VWA3B: variants seen among roughly 807,000 people sequenced by gnomAD.
VWA3B encodes the protein von Willebrand factor A domain-containing protein 3B.
Under a neutral mutation model 158.3 loss-of-function variants are expected in VWA3B, and 138 were observed. The observed-to-expected ratio is 0.87, with a 90% CI of 0.76 to 1.00. The LOEUF (loss-of-function observed/expected upper bound fraction) is 1.00. Ranked by LOEUF, VWA3B falls within the 50% of genes least tolerant of loss-of-function variation. The probability of loss-of-function intolerance (pLI) is 0.00; values close to 1 mark genes in which losing one functional copy is unlikely to be tolerated. For missense variants in VWA3B, 1,555 were observed against 1,565.1 expected (o/e 0.99, Z 0.11); for synonymous variants, 596 against 587.3 (o/e 1.01, Z -0.21).
intron 10 of VWA3B, chr2:98,192,392 AAGGGGGTTGTTCTCTGGCGGGC>A (rs1195467839): frequency 6.2e-6 from 1 of 161,110 alleles, no homozygotes; most frequent in Non-Finnish European, 1.4e-5. Context: ...ATTACAGTCA[AAGGGGGTTGTTCTCTGGCGGGC>A]AGAGTGGGGG....
chr2:98,110,238 G>C (rs558202142), intron 2 of VWA3B, among the ~76,000 whole-genome samples: 4 of 151,032 alleles, frequency 2.6e-5, no homozygotes, highest in Admixed American at 6.6e-5. Context: ...GTCTAGATTG[G>C]GTAATTTTTA....
In VWA3B at chr2:98,312,010, A is replaced by G; in HGVS notation, c.3713A>G (p.Gln1238Arg). ...GGCATCAGCTCCCATGGGTCCTGCCAGGGGACACACCCCGAGCCCAGGGTT... is the reference window on the plus strand; with the variant it reads ...GGCATCAGCTCCCATGGGTCCTGCCGGGGGACACACCCCGAGCCCAGGGTT... ...SHGISSHGSC[Q>R]GTHPEPRTAH... is the part of the protein sequence containing the mutation. Residue 1238 changes from glutamine (Q) to arginine (R), a missense_variant, in exon 27 of 28, where the codon CAG (glutamine) becomes CGG (arginine). Transcript: ENST00000477737. 6.2e-7 allele frequency: 1 copy of G among 1,600,968 alleles called. No homozygotes were observed. Among genetic ancestry groups the G allele is most frequent in the Non-Finnish European group, 8.5e-7 (1 of 1,173,634 alleles).
At chr2:98,179,021 C>CA (rs1337828384) in intron 8 of VWA3B, among the ~76,000 whole-genome samples, 4 of 152,190 alleles carry the variant, frequency 2.6e-5, no homozygotes, top group Non-Finnish European at 5.9e-5. Flanking sequence ...AAATGTTTAA[C>CA]AACCCACTCC....
At chr2:98,264,901 A>G (rs1185586850) in intron 21 of VWA3B, among the ~76,000 whole-genome samples, 10 of 152,120 alleles carry the variant, frequency 6.6e-5, no homozygotes. Context: ...AGGTGCACAT[A>G]TAATTGTTAT....
chr2:98,327,951 C>T, the VWA3B span, among the ~76,000 whole-genome samples: 1 of 152,166 alleles, frequency 6.6e-6, no homozygotes. Context: ...CCACTGCTGC[C>T]CTTCAGGGGT....
rs754558164 is a variant in VWA3B at position 98,119,472 on chromosome 2, T to C, written c.292-41T>C. The stretch of plus-strand genomic sequence containing the variant: ...AGCACTGTGGTTCAAATGACTTATT[T>C]TGGTGTTGTTTTATTGTTTTTGTCT... On this transcript the variant is annotated intron_variant, in intron 3 of 27. Coordinates refer to ENST00000477737, the MANE Select transcript of VWA3B (RefSeq NM_144992.5). The C allele has an allele frequency of 1.9e-5, 31 of 1,606,068 alleles. 2 individuals carry two copies. The South Asian group carries it at 3.4e-4, about 18-fold the overall frequency.
chr2:98,270,916 C>G, intron 22 of VWA3B, 33 bp downstream of exon 22: 4 of 1,602,348 alleles, frequency 2.5e-6, no homozygotes, highest in Non-Finnish European at 3.4e-6. Context: ...TCTTTCCTCC[C>G]TCTCTGCCTA....
chr2:98,143,756 T>C (rs1381756574), intron 7 of VWA3B, among the ~76,000 whole-genome samples: 1 of 149,436 alleles, frequency 6.7e-6, no homozygotes, highest in Non-Finnish European at 1.5e-5. Context: ...TCTTTTCTTT[T>C]TTTTTTTTTT....
rs1675546675 is a variant in VWA3B at position 98,128,325 on chromosome 2, T to C, written c.789T>C (p.Cys263=). ...LLLQRALEIP[C]PVYTVSFNAR... ...TCCAGAGGGCCTTGGAGATCCCGTG[T>C]CCAGTCTACACAGTGTCCTTCAACG... The change falls in exon 6 of 28, where the codon TGT becomes TGC. Residue 263 remains cysteine, a synonymous_variant. Transcript: ENST00000477737. The C allele has an allele frequency of 6.2e-7, 1 of 1,613,966 alleles. No homozygotes were observed. Among genetic ancestry groups the C allele is most frequent in the African/African-American group, 1.3e-5 (1 of 74,880 alleles).
At chr2:98,207,835 G>A (rs1284357942) in intron 12 of VWA3B, 1 of 210,298 alleles carries the variant, frequency 4.8e-6, no homozygotes, top group Admixed American at 5.2e-5. Flanking sequence ...TGAGAACCTT[G>A]ATTGAAAACA....
intron 6 of VWA3B, among the ~76,000 whole-genome samples, chr2:98,132,307 A>G (rs1675936800): frequency 6.6e-6 from 1 of 152,146 alleles, no homozygotes; most frequent in African/African-American, 2.4e-5. Context: ...TGGACACCCC[A>G]TGGCTTCTGG....
chr2:98,207,138 T>G, intron 12 of VWA3B: 1 of 540,976 alleles, frequency 1.8e-6, no homozygotes, highest in South Asian at 1.5e-5. Context: ...CTGTGGGCTA[T>G]CAGCCTACCC....
intron 20 of VWA3B, among the ~76,000 whole-genome samples, chr2:98,250,938 A>G (rs934490858): frequency 6.6e-6 from 1 of 151,402 alleles, no homozygotes; most frequent in Non-Finnish European, 1.5e-5. Context: ...GATGAAAAAT[A>G]AATAAATAAA....
intron 21 of VWA3B, among the ~76,000 whole-genome samples, chr2:98,258,331 G>A (rs1465112562): frequency 6.6e-6 from 1 of 151,630 alleles, no homozygotes; most frequent in Non-Finnish European, 1.5e-5. Flanking sequence ...AATTGTTTGG[G>A]CTATTCAGGG....
intron 24 of VWA3B, 66 bp downstream of exon 24, chr2:98,298,097 G>A (rs1387940457): frequency 4.4e-6 from 6 of 1,365,490 alleles, no homozygotes; most frequent in Non-Finnish European, 5.7e-6. Flanking sequence ...ATAACAGAAC[G>A]CCAAGGCCAC....
chr2:98,130,161 G>T (rs1336153433), intron 6 of VWA3B, among the ~76,000 whole-genome samples: 4 of 152,080 alleles, frequency 2.6e-5, no homozygotes, highest in African/African-American at 9.7e-5. Context: ...ACAAGATAAA[G>T]AAAAAAGTGC....
At chr2:98,184,086 T>C (rs1309043219) in intron 9 of VWA3B, among the ~76,000 whole-genome samples, 1 of 152,228 alleles carries the variant, frequency 6.6e-6, no homozygotes, top group Non-Finnish European at 1.5e-5. Flanking sequence ...CTTGTGGCAG[T>C]TGGAGGCAGG....
At chr2:98,089,544 G>A (rs557041203) in intron 1 of VWA3B, among the ~76,000 whole-genome samples, 106 of 152,148 alleles carry the variant, frequency 7.0e-4, no homozygotes, top group African/African-American at 2.4e-3. Context: ...GCTACGTCCC[G>A]GCTCGCAGCA....
At chr2:98,104,188 T>G (rs1244863223) in intron 2 of VWA3B, among the ~76,000 whole-genome samples, 1 of 152,244 alleles carries the variant, frequency 6.6e-6, no homozygotes, top group Non-Finnish European at 1.5e-5. Context: ...AACCAATTAA[T>G]TAAATCAGTT....
Sources: gnomAD v4.1 joint callset for allele counts (sites outside exome capture counted in the v4.1 genomes callset) on GRCh38, gnomAD v4.1.1 for gene constraint, MANE v1.5 for transcripts, NCBI Gene and HGNC (gene_info 2026-07-23, HGNC 2026-07-21) for gene names.